Variants in UVRAG observed in about 807,000 individuals in gnomAD.
UVRAG encodes the protein UV radiation resistance associated, also known as UV radiation resistance-associated gene protein.
A neutral mutation model predicts 78.0 loss-of-function variants in UVRAG; 19 were observed. That is an observed-to-expected ratio of 0.24 (90% CI 0.17 to 0.36). The LOEUF (loss-of-function observed/expected upper bound fraction) is 0.36. Among genes scored for constraint, UVRAG ranks in the 10% least tolerant of loss-of-function variants. The pLI, the probability that UVRAG is intolerant of heterozygous loss-of-function variation, is 1.00. For synonymous variants in UVRAG, 323 were observed against 324.6 expected (o/e 1.00, Z 0.05); for missense variants, 740 against 853.8 (o/e 0.87, Z 1.66).
chr11:75,980,938 C>T (rs1949379400), intron 7 of UVRAG, among the ~76,000 whole-genome samples: 1 of 152,030 alleles, frequency 6.6e-6, no homozygotes, highest in Admixed American at 6.5e-5. Flanking sequence ...GCCTCAGTCT[C>T]CCAAAGTGCT....
chr11:76,002,912 C>CA (rs913591707), intron 8 of UVRAG, among the ~76,000 whole-genome samples: 1 of 151,764 alleles, frequency 6.6e-6, no homozygotes, highest in Admixed American at 6.6e-5. Context: ...CCTATCTTTA[C>CA]AAAAAAATAC....
intron 5 of UVRAG, among the ~76,000 whole-genome samples, chr11:75,903,956 T>C (rs1023962360): frequency 6.6e-6 from 1 of 152,222 alleles, no homozygotes; most frequent in Non-Finnish European, 1.5e-5. Flanking sequence ...TCAAAATATA[T>C]AGTAACATGT....
intron 12 of UVRAG, among the ~76,000 whole-genome samples, chr11:76,044,534 G>A (rs868786294): frequency 6.6e-6 from 1 of 152,224 alleles, no homozygotes; most frequent in Non-Finnish European, 1.5e-5. Context: ...CACTTTGGGA[G>A]GCTGAGGCGG....
chr11:75,839,263 G>GT (rs1439561939), intron 1 of UVRAG, among the ~76,000 whole-genome samples: 2 of 151,672 alleles, frequency 1.3e-5, no homozygotes, highest in African/African-American at 4.8e-5. Context: ...TTTTTCTTAG[G>GT]TTTTTTCCTT....
At chr11:76,081,202 G>T (rs1432351768) in intron 13 of UVRAG, among the ~76,000 whole-genome samples, 1 of 151,808 alleles carries the variant, frequency 6.6e-6, no homozygotes, top group Non-Finnish European at 1.5e-5. Flanking sequence ...GTAACATTGA[G>T]CCAGTCTCTC....
At chr11:76,079,034 C>T (rs1191986439) in intron 13 of UVRAG, among the ~76,000 whole-genome samples, 1 of 152,142 alleles carries the variant, frequency 6.6e-6, no homozygotes, top group Admixed American at 6.5e-5. Flanking sequence ...TCTAAAGAAT[C>T]AAAAAGTTGA....
In UVRAG at chr11:75,852,026, C is replaced by T. The variant is rs964402361; in HGVS notation, c.235+26C>T. ...GTAAGGGGATCTGTGGCCTTACTACCCACAGATTGTTATATTTTTATTTTT... is the reference window on the plus strand; with the variant it reads ...GTAAGGGGATCTGTGGCCTTACTACTCACAGATTGTTATATTTTTATTTTT... On this transcript the variant is annotated intron_variant, in intron 2 of 14. Transcript: ENST00000356136. The T allele has an allele frequency of 3.5e-6, 5 of 1,448,038 alleles. No individual in the cohort carries two copies. In the African/African-American group the frequency reaches 7.2e-5, roughly 21 times the overall value. The allele number at this position is 1,448,038 out of a possible 1,614,324, so 89.7% of individuals were successfully genotyped here. A position where few individuals can be genotyped will look rare whatever the true frequency, so the allele number is the denominator to read the frequency against.
intron 1 of UVRAG, among the ~76,000 whole-genome samples, chr11:75,851,630 G>T (rs780397693): frequency 1.3e-5 from 2 of 152,132 alleles, no homozygotes; most frequent in Non-Finnish European, 2.9e-5. Flanking sequence ...CATAACGTTG[G>T]TCCTTTTCAA....
chr11:75,941,401 T>C (rs1014027240), intron 6 of UVRAG, among the ~76,000 whole-genome samples: 2 of 152,156 alleles, frequency 1.3e-5, no homozygotes, highest in Non-Finnish European at 2.9e-5. Flanking sequence ...TCTTTAAAGT[T>C]ACTCATTACT....
intron 3 of UVRAG, among the ~76,000 whole-genome samples, chr11:75,869,984 C>T (rs1425249450): frequency 1.3e-5 from 2 of 152,104 alleles, no homozygotes; most frequent in Non-Finnish European, 2.9e-5. Flanking sequence ...TTCTACTTTT[C>T]AGTGAATGTG....
rs1223962832 is a variant in UVRAG at position 75,975,515 on chromosome 11, A to G, written c.700-7872A>G. 9.2e-4 allele frequency among the ~76,000 whole-genome samples: 140 copies of G among 152,160 alleles called. 3 individuals are homozygous for G. The highest frequency in any genetic ancestry group is 8.8e-5 in the Non-Finnish European group (6 of 68,032). On this transcript the variant is annotated intron_variant, in intron 7 of 14. Coordinates refer to ENST00000356136, the MANE Select transcript of UVRAG (RefSeq NM_003369.4). ...ATCCATGAGCATGGAATGTTCTTCC[A>G]TTTGTTTGTGTCCTCTTTTATTTTG...
At chr11:76,084,181 G>C (rs1411413627) in intron 13 of UVRAG, among the ~76,000 whole-genome samples, 1 of 152,204 alleles carries the variant, frequency 6.6e-6, no homozygotes. Context: ...GCTACTAAAT[G>C]ATGTGAGTGG....
intron 14 of UVRAG, among the ~76,000 whole-genome samples, chr11:76,133,484 A>C (rs971197867): frequency 6.6e-6 from 1 of 152,160 alleles, no homozygotes; most frequent in East Asian, 1.9e-4. Context: ...AGAGGAGGGA[A>C]ATGATGGGGG....
chr11:76,129,964 C>T (rs1169288365), intron 14 of UVRAG, among the ~76,000 whole-genome samples: 1 of 152,074 alleles, frequency 6.6e-6, no homozygotes, highest in Admixed American at 6.6e-5. Flanking sequence ...CTCTCTCTCT[C>T]TTCTTTGCCT....
At chr11:76,040,616 C>T (rs1002195850) in intron 12 of UVRAG, among the ~76,000 whole-genome samples, 5 of 151,850 alleles carry the variant, frequency 3.3e-5, no homozygotes, top group Non-Finnish European at 7.4e-5. Context: ...AGTGCAGTGG[C>T]GCGGTCTCGA....
chr11:75,868,190 C>T (rs1250568813), intron 3 of UVRAG, among the ~76,000 whole-genome samples: 6 of 152,238 alleles, frequency 3.9e-5, no homozygotes, highest in Admixed American at 6.5e-5. Context: ...CTTGAGCAGA[C>T]GCCTGACAGA....
chr11:76,008,047 G>T (rs751791327), intron 10 of UVRAG, among the ~76,000 whole-genome samples: 16 of 151,816 alleles, frequency 1.1e-4, no homozygotes, highest in Non-Finnish European at 2.4e-4. Flanking sequence ...AGCTGGGACT[G>T]CAGGCGCCCG....
chr11:76,005,948 A>G (rs1444964828), intron 9 of UVRAG, among the ~76,000 whole-genome samples: 1 of 152,150 alleles, frequency 6.6e-6, no homozygotes, highest in Admixed American at 6.5e-5. Context: ...CAATCTCCAG[A>G]CACTGCCAGT....
chr11:75,968,697 G>C (rs1225123521), intron 7 of UVRAG, among the ~76,000 whole-genome samples: 2 of 152,158 alleles, frequency 1.3e-5, no homozygotes, highest in African/African-American at 4.8e-5. Context: ...GCATATCCCT[G>C]TGTTCTCTGA....
Sources: gnomAD v4.1 joint callset for allele counts (sites outside exome capture counted in the v4.1 genomes callset) on GRCh38, gnomAD v4.1.1 for gene constraint, MANE v1.5 for transcripts, NCBI Gene and HGNC (gene_info 2026-07-23, HGNC 2026-07-21) for gene names.